The following GRM5 variants were observed in gnomAD, a reference collection of about 807,000 sequenced individuals.
The protein encoded by GRM5 is metabotropic glutamate receptor 5.
A neutral mutation model predicts 83.1 loss-of-function variants in GRM5; 19 were observed. The observed-to-expected ratio is 0.23, with a 90% CI of 0.16 to 0.34. The LOEUF (loss-of-function observed/expected upper bound fraction) is 0.34. Ranked by LOEUF, GRM5 falls within the 10% of genes least tolerant of loss-of-function variation. The pLI, the probability that GRM5 is intolerant of heterozygous loss-of-function variation, is 1.00. For missense variants in GRM5, 1,160 were observed against 1,588.3 expected (o/e 0.73, Z 4.58); for synonymous variants, 675 against 633.6 (o/e 1.07, Z -0.98).
At chr11:88,621,110 G>T (rs1938621895) in intron 4 of GRM5, among the ~76,000 whole-genome samples, 1 of 152,134 alleles carries the variant, frequency 6.6e-6, no homozygotes, top group Non-Finnish European at 1.5e-5. Context: ...GTAAATGAAA[G>T]AATTCCACAG....
intron 3 of GRM5, among the ~76,000 whole-genome samples, chr11:88,813,209 G>C (rs1246870676): frequency 6.6e-6 from 1 of 152,056 alleles, no homozygotes; most frequent in East Asian, 1.9e-4. Context: ...TTTAAATACC[G>C]TCTTTTAGTC....
intron 3 of GRM5, among the ~76,000 whole-genome samples, chr11:88,706,282 G>A (rs1329926690): frequency 6.6e-6 from 1 of 151,994 alleles, no homozygotes; most frequent in Non-Finnish European, 1.5e-5. Context: ...CAGTCCCTAA[G>A]CCCTCACCCT....
chr11:88,947,592 A>G (rs4512826), intron 2 of GRM5, among the ~76,000 whole-genome samples: 13 of 152,088 alleles, frequency 8.5e-5, no homozygotes, highest in African/African-American at 3.1e-4. Context: ...TCATTATTCA[A>G]ACACCATCTC....
chr11:88,686,647 A>G (rs1488196354), intron 3 of GRM5, among the ~76,000 whole-genome samples: 6 of 152,226 alleles, frequency 3.9e-5, no homozygotes, highest in Non-Finnish European at 8.8e-5. Flanking sequence ...ATTTGAATCA[A>G]GGGGGACCTT....
intron 2 of GRM5, among the ~76,000 whole-genome samples, chr11:88,945,986 C>T (rs1938271204): frequency 6.6e-6 from 1 of 151,994 alleles, no homozygotes; most frequent in Non-Finnish European, 1.5e-5. Flanking sequence ...ACAAACTATG[C>T]ATCTGACAAA....
intron 7 of GRM5, among the ~76,000 whole-genome samples, chr11:88,588,540 TCTC>T (rs1937591787): frequency 6.6e-6 from 1 of 152,158 alleles, no homozygotes; most frequent in Non-Finnish European, 1.5e-5. Context: ...CTGACACTGT[TCTC>T]CTACCTGCTT....
intron 3 of GRM5, among the ~76,000 whole-genome samples, chr11:88,814,998 C>T (rs1565243650): frequency 6.6e-6 from 1 of 151,952 alleles, no homozygotes; most frequent in Non-Finnish European, 1.5e-5. Context: ...TTTAAATGTC[C>T]CTCTCTCAAT....
intron 2 of GRM5, among the ~76,000 whole-genome samples, chr11:88,938,094 G>A (rs1382380485): frequency 1.3e-5 from 2 of 151,670 alleles, no homozygotes; most frequent in African/African-American, 4.8e-5. Flanking sequence ...TGATGGATAT[G>A]TCAATTAACT....
At chr11:88,592,466 G>A (rs1937664018) in intron 6 of GRM5, among the ~76,000 whole-genome samples, 1 of 152,162 alleles carries the variant, frequency 6.6e-6, no homozygotes, top group African/African-American at 2.4e-5. Context: ...CAGGCATATT[G>A]CAAAGCTGAA....
chr11:88,728,405 C>A (rs966042589), intron 3 of GRM5, among the ~76,000 whole-genome samples: 1 of 151,922 alleles, frequency 6.6e-6, no homozygotes, highest in African/African-American at 2.4e-5. Context: ...AAAAAAAAGC[C>A]CAGGACCAGA....
intron 3 of GRM5, among the ~76,000 whole-genome samples, chr11:88,664,770 A>G (rs1262834318): frequency 6.6e-6 from 1 of 152,032 alleles, no homozygotes; most frequent in African/African-American, 2.4e-5. Flanking sequence ...TCATTGTATT[A>G]GGTATTATAA....
At chr11:88,636,984 G>A (rs190802079) in intron 4 of GRM5, among the ~76,000 whole-genome samples, 303 of 152,260 alleles carry the variant, frequency 2.0e-3, no homozygotes, top group African/African-American at 7.0e-3. Context: ...GTCAGGTAGC[G>A]TGATGCCTCC....
chr11:88,823,250 ATAT>A (rs977595756), intron 3 of GRM5, among the ~76,000 whole-genome samples: 14 of 150,782 alleles, frequency 9.3e-5, no homozygotes, highest in Admixed American at 8.6e-4. Flanking sequence ...AATAATGTAA[ATAT>A]TATTTATAAT....
At chr11:88,919,723 T>C (rs1590964594) in intron 2 of GRM5, among the ~76,000 whole-genome samples, 1 of 151,920 alleles carries the variant, frequency 6.6e-6, no homozygotes, top group African/African-American at 2.4e-5. Context: ...AACAGAATAA[T>C]ATTAAATAGC....
chr11:88,692,539 C>T (rs1940805994), intron 3 of GRM5, among the ~76,000 whole-genome samples: 1 of 152,168 alleles, frequency 6.6e-6, no homozygotes, highest in African/African-American at 2.4e-5. Flanking sequence ...TAGTGAGTCA[C>T]TTAGTCTCTC....
In GRM5 at chr11:89,047,442, A is replaced by G. The variant is rs200953711; in HGVS notation, c.431T>C (p.Val144Ala). 51 of 1,613,858 alleles carry G rather than the reference A, an allele frequency of 3.2e-5. No individual in the cohort carries two copies. Among genetic ancestry groups the G allele is most frequent in the Non-Finnish European group, 3.9e-5 (46 of 1,179,856 alleles). ...ACTGGAGCCAGGCCCAATGACCCCT[A>G]CTATGGGCTTCTTGGAGCGGAAGGA... is the stretch of plus-strand genomic sequence containing the variant. ...SSSFRSKKPI[V>A]GVIGPGSSSV... Residue 144 changes from valine (V) to alanine (A), a missense_variant, in exon 2 of 10, where the codon GTA becomes GCA. Coordinates refer to ENST00000305447, the MANE Select transcript of GRM5 (RefSeq NM_001143831.3). This position sits in a 1 kb window ranked among gnomAD's most constrained non-coding sequence, Gnocchi z 5.1.
chr11:88,871,907 AT>A (rs1337301664), intron 2 of GRM5, among the ~76,000 whole-genome samples: 17 of 151,546 alleles, frequency 1.1e-4, no homozygotes, highest in African/African-American at 4.1e-4. Flanking sequence ...CTATAAACAG[AT>A]GAAAAAAAAA....
At chr11:88,670,518 G>A (rs977208183) in intron 3 of GRM5, among the ~76,000 whole-genome samples, 1 of 138,702 alleles carries the variant, frequency 7.2e-6, no homozygotes, top group Non-Finnish European at 1.6e-5. Flanking sequence ...GTATACAGAT[G>A]ACAGATACCA....
rs970423550 is a variant in GRM5, at chr11:88,668,212, G to T, written c.912-14809C>A. ...TTATTTAAAACATCTGCAGAAACTC[G>T]CACACACACACACACACACAAAGAC... On this transcript the variant is annotated intron_variant, in intron 3 of 9. Transcript: ENST00000305447. Among the ~76,000 whole-genome samples the T allele has an allele frequency of 2.8e-5, 4 of 142,572 alleles. No homozygotes were observed. In the Admixed American group the frequency reaches 2.8e-4, roughly 10 times the overall value. 93.5% of individuals were successfully genotyped at this position (142,572 alleles called of 152,430 possible).
Sources: gnomAD v4.1 joint callset for allele counts (sites outside exome capture counted in the v4.1 genomes callset) on GRCh38, gnomAD v4.1.1 for gene constraint, Gnocchi (gnomAD v3.1) non-coding constraint, MANE v1.5 for transcripts, NCBI Gene and HGNC (gene_info 2026-07-23, HGNC 2026-07-21) for gene names.